The following ZNF385D variants were observed in gnomAD, a reference collection of about 807,000 sequenced individuals.
ZNF385D encodes zinc finger protein 385D.
A neutral mutation model predicts 35.8 loss-of-function variants in ZNF385D; 15 were observed. That is an observed-to-expected ratio of 0.42 (90% confidence interval 0.28 to 0.64). ZNF385D has a LOEUF of 0.64. Among genes scored for constraint, ZNF385D ranks in the 30% least tolerant of loss-of-function variants. The probability of loss-of-function intolerance (pLI) is 0.23; values close to 1 mark genes in which losing one functional copy is unlikely to be tolerated. For synonymous variants in ZNF385D, 212 were observed against 186.8 expected, an observed-to-expected ratio of 1.13 and a Z score of -1.10; for missense variants, 474 against 494.6, an observed-to-expected ratio of 0.96 and a Z score of 0.39.
intron 3 of ZNF385D, among the ~76,000 whole-genome samples, chr3:22,118,943 A>C (rs2125660428): frequency 6.6e-6 from 1 of 152,276 alleles, no homozygotes; most frequent in South Asian, 2.1e-4. Flanking sequence ...AGACTGAAAA[A>C]TTTTTAGTTT....
rs548793177 is a variant in ZNF385D, at chr3:21,701,748, T to G, written c.23-36720A>C. On this transcript the variant is annotated intron_variant, in intron 1 of 7. Coordinates refer to ENST00000281523, the MANE Select transcript of ZNF385D (RefSeq NM_024697.3). Reference sequence around the variant, plus strand: ...ATTAGATAAATACAGCCATTCCAAATGGGAGAAACTGGCCAAAACAAGGGA... The same window carrying G: ...ATTAGATAAATACAGCCATTCCAAAGGGGAGAAACTGGCCAAAACAAGGGA... 3.3e-5 allele frequency among the ~76,000 whole-genome samples: 5 copies of G among 152,216 alleles called. No individual in the cohort carries two copies. In the South Asian group the frequency reaches 1.0e-3, roughly 32 times the overall value.
intron 4 of ZNF385D, among the ~76,000 whole-genome samples, chr3:21,505,362 TA>T (rs1386845056): frequency 6.7e-6 from 1 of 149,516 alleles, no homozygotes; most frequent in Non-Finnish European, 1.5e-5. Context: ...ATAGAGACCA[TA>T]AGATTGAAGG....
At chr3:22,228,896 G>A (rs1698720960) in intron 2 of ZNF385D, among the ~76,000 whole-genome samples, 1 of 152,184 alleles carries the variant, frequency 6.6e-6, no homozygotes, top group African/African-American at 2.4e-5. Context: ...TCAGCTTTTG[G>A]ACTCTTGGAC....
chr3:21,444,240 C>T (rs971975592), intron 4 of ZNF385D, among the ~76,000 whole-genome samples: 25 of 151,492 alleles, frequency 1.7e-4, no homozygotes, highest in Non-Finnish European at 2.8e-4. Context: ...CCACCACGCC[C>T]GGCTAATTTT....
chr3:21,621,015 C>A (rs1273557257), intron 2 of ZNF385D, among the ~76,000 whole-genome samples: 1 of 151,870 alleles, frequency 6.6e-6, no homozygotes, highest in African/African-American at 2.4e-5. Flanking sequence ...CACACACACA[C>A]AATTTTCTGA....
intron 2 of ZNF385D, among the ~76,000 whole-genome samples, chr3:21,628,691 G>C (rs2065200364): frequency 6.6e-6 from 1 of 152,084 alleles, no homozygotes; most frequent in Admixed American, 6.6e-5. Flanking sequence ...AGATTCCCTA[G>C]AACTGCAAAA....
At chr3:21,888,932 ATTACT>A (rs1214406036) in intron 3 of ZNF385D, among the ~76,000 whole-genome samples, 8 of 152,328 alleles carry the variant, frequency 5.3e-5, no homozygotes, top group African/African-American at 1.9e-4. Context: ...TATCAGAAAA[ATTACT>A]TTACTCCTCT....
chr3:22,107,849 T>C (rs566482701), intron 3 of ZNF385D, among the ~76,000 whole-genome samples: 3 of 152,132 alleles, frequency 2.0e-5, no homozygotes, highest in South Asian at 4.2e-4. Context: ...GGTTTGAATG[T>C]GTCTGCTTCA....
At chr3:21,814,060 A>T (rs2073047391) in intron 3 of ZNF385D, among the ~76,000 whole-genome samples, 2 of 152,204 alleles carry the variant, frequency 1.3e-5, no homozygotes, top group South Asian at 4.1e-4. Context: ...ACATTCTTAA[A>T]AAGAATTTTC....
chr3:21,911,086 A>C (rs1022406880), intron 3 of ZNF385D, among the ~76,000 whole-genome samples: 1 of 151,898 alleles, frequency 6.6e-6, no homozygotes, highest in Admixed American at 6.6e-5. Context: ...TGTTTTTAAA[A>C]TGATATAGTT....
chr3:22,298,495 T>C (rs1197862137), intron 2 of ZNF385D, among the ~76,000 whole-genome samples: 2 of 144,952 alleles, frequency 1.4e-5, no homozygotes, highest in African/African-American at 2.5e-5. Context: ...ATATATAATA[T>C]ATAAATATAC....
rs1559507276 is a variant in ZNF385D at position 21,672,863 on chromosome 3, T to C, written c.23-7835A>G. On this transcript the variant is annotated intron_variant, in intron 1 of 7. Transcript: ENST00000281523. ...TAGAAGAAAAACGGGATCTCTCACT[T>C]ATTTAACTAACTTTGATGACAATTT... 2.0e-5 allele frequency among the ~76,000 whole-genome samples: 3 copies of C among 152,140 alleles called. No homozygotes were observed. The South Asian group carries it at 6.2e-4, about 32-fold the overall frequency.
intron 2 of ZNF385D, among the ~76,000 whole-genome samples, chr3:21,611,241 T>A (rs189806939): frequency 7.7e-4 from 117 of 152,350 alleles, no homozygotes; most frequent in Non-Finnish European, 1.5e-3. Flanking sequence ...ATGGGGTTCA[T>A]GGGAGCCACC....
At chr3:21,918,257 C>T (rs528431092) in intron 3 of ZNF385D, among the ~76,000 whole-genome samples, 2 of 152,220 alleles carry the variant, frequency 1.3e-5, no homozygotes, top group South Asian at 2.1e-4. Flanking sequence ...TTAGGGCAGG[C>T]CTTTCCTAAT....
intron 3 of ZNF385D, among the ~76,000 whole-genome samples, chr3:21,938,327 C>T (rs1701358714): frequency 6.6e-6 from 1 of 152,160 alleles, no homozygotes; most frequent in South Asian, 2.1e-4. Flanking sequence ...GGCAGTGTGA[C>T]ACATGTCACT....
intron 1 of ZNF385D, among the ~76,000 whole-genome samples, chr3:21,694,246 T>C (rs896373433): frequency 2.6e-5 from 4 of 151,818 alleles, no homozygotes; most frequent in African/African-American, 9.7e-5. Flanking sequence ...GGTTTCACCG[T>C]GTTAGCCAGG....
intron 2 of ZNF385D, among the ~76,000 whole-genome samples, chr3:22,340,683 C>T (rs1310974266): frequency 2.0e-5 from 3 of 152,064 alleles, no homozygotes; most frequent in African/African-American, 4.8e-5. Context: ...GGACATAAGA[C>T]ATACAAGAGA....
At chr3:22,313,129 C>G (rs1306365045) in intron 2 of ZNF385D, among the ~76,000 whole-genome samples, 1 of 151,928 alleles carries the variant, frequency 6.6e-6, no homozygotes, top group Non-Finnish European at 1.5e-5. Context: ...AACCATCATT[C>G]TCAGCAAACT....
chr3:22,120,701 T>C (rs1308434835), intron 3 of ZNF385D, among the ~76,000 whole-genome samples: 1 of 152,166 alleles, frequency 6.6e-6, no homozygotes, highest in African/African-American at 2.4e-5. Flanking sequence ...TAATACAATC[T>C]AGCTTATAGT....
Sources: allele counts gnomAD v4.1 joint callset (sites outside exome capture counted in the v4.1 genomes callset), GRCh38; gene constraint gnomAD v4.1.1; transcripts MANE v1.5; gene names NCBI Gene and HGNC (gene_info 2026-07-23, HGNC 2026-07-21).